MYOT: variants seen among roughly 807,000 people sequenced by gnomAD.
The protein encoded by MYOT is myotilin.
In MYOT, 36 loss-of-function variants were observed where a neutral mutation model predicts 58.0. The observed-to-expected ratio is 0.62, with a 90% confidence interval of 0.48 to 0.82. MYOT has a LOEUF of 0.82. Ranked by LOEUF, MYOT falls within the 40% of genes least tolerant of loss-of-function variation. The pLI is 0.00. For synonymous variants in MYOT, 218 were observed against 204.6 expected (o/e 1.07, Z -0.56); for missense variants, 505 against 592.1 (o/e 0.85, Z 1.53).
At chr5:137,884,239 C>T (rs1372042213) in intron 7 of MYOT, among the ~76,000 whole-genome samples, 1 of 152,070 alleles carries the variant, frequency 6.6e-6, no homozygotes, top group African/African-American at 2.4e-5. Context: ...CCTATAGTCC[C>T]AGCTACTAGA....
chr5:137,886,626 AACAC>A, intron 8 of MYOT: 1 of 563,850 alleles, frequency 1.8e-6, no homozygotes, highest in Non-Finnish European at 3.3e-6. Context: ...CATAAATACA[AACAC>A]AGACACACCC....
At chr5:137,873,992 T>TA (rs1755129278) in intron 2 of MYOT, among the ~76,000 whole-genome samples, 1 of 152,298 alleles carries the variant, frequency 6.6e-6, no homozygotes, top group Non-Finnish European at 1.5e-5. Context: ...TTGGAGGAAA[T>TA]ACATTTATAC....
chr5:137,869,392 A>C (rs905930088), intron 1 of MYOT, among the ~76,000 whole-genome samples: 3 of 152,220 alleles, frequency 2.0e-5, no homozygotes, highest in Admixed American at 1.3e-4. Flanking sequence ...TTACCATACT[A>C]ATGGAAAAAA....
intron 4 of MYOT, among the ~76,000 whole-genome samples, chr5:137,878,421 C>T (rs140894854): frequency 0.026 from 4,010 of 151,550 alleles, 160 homozygotes; most frequent in African/African-American, 0.087. Flanking sequence ...TTTCACCATG[C>T]TGGCCAGGCT....
At chr5:137,872,647 G>T (rs1049375997) in intron 2 of MYOT, among the ~76,000 whole-genome samples, 1 of 152,110 alleles carries the variant, frequency 6.6e-6, no homozygotes, top group Non-Finnish European at 1.5e-5. Context: ...TTGAACATTT[G>T]TGCACAACTC....
At chr5:137,871,738 G>C (rs768950989) in intron 2 of MYOT, among the ~76,000 whole-genome samples, 23 of 152,206 alleles carry the variant, frequency 1.5e-4, no homozygotes, top group Non-Finnish European at 3.2e-4. Context: ...ACTACCCTAA[G>C]ACTGTCCTAG....
At chr5:137,869,679 A>T (rs1754979142) in intron 1 of MYOT, among the ~76,000 whole-genome samples, 1 of 152,220 alleles carries the variant, frequency 6.6e-6, no homozygotes, top group Non-Finnish European at 1.5e-5. Flanking sequence ...AAAAGAAAAA[A>T]AAGACCAAAA....
In MYOT at chr5:137,877,612, A is replaced by G. The variant is rs1192259571; in HGVS notation, c.624A>G (p.Gln208=). The change falls in exon 4 of 10, where the codon CAA becomes CAG. Residue 208 remains glutamine, a synonymous_variant. Transcript: ENST00000239926. ...VFQAQDDSGA[Q]DSQQHNSEHA... is the part of the protein sequence containing the mutation. ...AAGCTCAGGATGACAGTGGTGCACA[A>G]GACTCGCAGGTAAGTTAAAATGCTC... is the stretch of plus-strand genomic sequence containing the variant. 1 of 1,611,044 alleles carries G rather than the reference A, an allele frequency of 6.2e-7. No individual in the cohort carries two copies. Among genetic ancestry groups the G allele is most frequent in the South Asian group, 1.1e-5 (1 of 91,010 alleles).
At chr5:137,885,443 T>C (rs1225921117) in intron 7 of MYOT, among the ~76,000 whole-genome samples, 2 of 152,088 alleles carry the variant, frequency 1.3e-5, no homozygotes, top group Admixed American at 6.6e-5. Context: ...CCATCACTCA[T>C]GCTGCCTCCC....
At chr5:137,869,715 T>C (rs73790074) in intron 1 of MYOT, among the ~76,000 whole-genome samples, 3,832 of 151,968 alleles carry the variant, frequency 0.025, 160 homozygotes, top group African/African-American at 0.087. Flanking sequence ...AAATACATAC[T>C]AAACAAATAA....
Position 137,887,454 on chromosome 5 carries a change from A to G in MYOT, c.*69A>G. On this transcript the variant is annotated 3_prime_UTR_variant, in exon 10 of 10. Transcript: ENST00000239926. ...ATATATTTGATTACATTTTTTTGAA[A>G]TTAATCCATAGCTGTATTAACAGAT... 19 of 1,443,386 alleles carry G rather than the reference A, an allele frequency of 1.3e-5. No homozygotes were observed. Among genetic ancestry groups the G allele is most frequent in the Non-Finnish European group, 1.8e-5 (19 of 1,033,110 alleles). 89.4% of individuals were successfully genotyped at this position (1,443,386 alleles called of 1,614,324 possible).
chr5:137,872,000 C>T (rs536735033), intron 2 of MYOT, among the ~76,000 whole-genome samples: 1 of 152,060 alleles, frequency 6.6e-6, no homozygotes, highest in Non-Finnish European at 1.5e-5. Flanking sequence ...CTACAAACTC[C>T]TATTATTGGT....
intron 3 of MYOT, among the ~76,000 whole-genome samples, chr5:137,877,196 G>A (rs1486528533): frequency 4.6e-5 from 7 of 151,610 alleles, no homozygotes; most frequent in Non-Finnish European, 7.4e-5. Flanking sequence ...GTGAAACCCC[G>A]TCTCTACTAA....
At chr5:137,886,379 C>T (rs1755601888) in intron 8 of MYOT, among the ~76,000 whole-genome samples, 166 bp downstream of exon 8, 1 of 151,960 alleles carries the variant, frequency 6.6e-6, no homozygotes, top group East Asian at 1.9e-4. Flanking sequence ...AAGAAAACTT[C>T]AGTAAGCCAG....
rs2149978886 is a variant in MYOT, at chr5:137,870,836, TCAC to T, written c.188_190del (p.Thr63del). On this transcript the variant is annotated inframe_deletion, in exon 2 of 10. Transcript: ENST00000239926. Reference sequence around the variant, plus strand: ...GCCTCCTCAACACTGAGCTCTCACATCACCATGTCCTCCTCTGCTTTCCCTGCT... The same window carrying T: ...GCCTCCTCAACACTGAGCTCTCACATCATGTCCTCCTCTGCTTTCCCTGCT... 2 of 1,614,120 alleles carry T rather than the reference TCAC, an allele frequency of 1.2e-6. No individual in the cohort carries two copies. The highest frequency in any genetic ancestry group is 2.2e-5 in the South Asian group (2 of 91,078).
At chr5:137,876,254 T>G in intron 3 of MYOT, 1 of 463,480 alleles carries the variant, frequency 2.2e-6, no homozygotes, top group Non-Finnish European at 3.9e-6. Flanking sequence ...TATTAAATAT[T>G]ACCCTCTCAT....
At chr5:137,882,246 G>C in intron 6 of MYOT, 141 bp downstream of exon 6, 1 of 967,078 alleles carries the variant, frequency 1.0e-6, no homozygotes, top group East Asian at 2.6e-5. Flanking sequence ...AAACTGATGT[G>C]GGTTTGAATT....
At chr5:137,873,853 G>A (rs1463608116) in intron 2 of MYOT, among the ~76,000 whole-genome samples, 2 of 152,112 alleles carry the variant, frequency 1.3e-5, no homozygotes, top group Non-Finnish European at 2.9e-5. Context: ...CTATACCCAT[G>A]CTCTGTGTTC....
intron 5 of MYOT, among the ~76,000 whole-genome samples, chr5:137,881,662 T>C (rs533321112): frequency 2.2e-4 from 33 of 152,294 alleles, no homozygotes; most frequent in African/African-American, 2.6e-4. Flanking sequence ...ACCACCACTA[T>C]AGAAAAACGT....
Sources: gnomAD v4.1 joint callset for allele counts (sites outside exome capture counted in the v4.1 genomes callset) on GRCh38, gnomAD v4.1.1 for gene constraint, MANE v1.5 for transcripts, NCBI Gene and HGNC (gene_info 2026-07-23, HGNC 2026-07-21) for gene names.